The following ANKS1B variants were observed in gnomAD, a reference collection of about 807,000 sequenced individuals.
ANKS1B encodes the protein ankyrin repeat and sterile alpha motif domain-containing protein 1B.
A neutral mutation model predicts 148.3 loss-of-function variants in ANKS1B; 36 were observed. That is an observed-to-expected ratio of 0.24 (90% CI 0.19 to 0.32). The LOEUF is 0.32. Ranked by LOEUF, ANKS1B falls within the 10% of genes least tolerant of loss-of-function variation. The pLI is 1.00. For missense variants in ANKS1B, 1,157 were observed against 1,542.6 expected (o/e 0.75, Z 4.19); for synonymous variants, 542 against 560.8 (o/e 0.97, Z 0.47).
chr12:98,938,055 C>G (rs1009116939), intron 17 of ANKS1B, among the ~76,000 whole-genome samples: 1 of 152,086 alleles, frequency 6.6e-6, no homozygotes, highest in African/African-American at 2.4e-5. Context: ...GATTACAATT[C>G]GAGATGATAT....
At chr12:99,871,454 G>T (rs573451667) in intron 1 of ANKS1B, among the ~76,000 whole-genome samples, 2 of 152,064 alleles carry the variant, frequency 1.3e-5, no homozygotes, top group South Asian at 4.1e-4. Flanking sequence ...GAAAAATGAC[G>T]TTGGTAGTTT....
chr12:99,048,212 G>A (rs1180828994), intron 17 of ANKS1B, among the ~76,000 whole-genome samples: 1 of 152,154 alleles, frequency 6.6e-6, no homozygotes, highest in Non-Finnish European at 1.5e-5. Context: ...TCACGAGAAG[G>A]GTGAATGAAC....
At chr12:99,568,665 A>T (rs1225776355) in intron 9 of ANKS1B, among the ~76,000 whole-genome samples, 2 of 152,234 alleles carry the variant, frequency 1.3e-5, no homozygotes, top group African/African-American at 4.8e-5. Flanking sequence ...CAGAGGTGTT[A>T]GATTGAACAA....
intron 17 of ANKS1B, among the ~76,000 whole-genome samples, chr12:99,016,868 T>G (rs539051051): frequency 1.3e-5 from 2 of 152,334 alleles, no homozygotes; most frequent in South Asian, 4.1e-4. Flanking sequence ...TTGCTGGAAC[T>G]GGGCCTGCCC....
intron 11 of ANKS1B, among the ~76,000 whole-genome samples, chr12:99,428,575 T>C (rs548762093): frequency 6.6e-6 from 1 of 152,292 alleles, no homozygotes; most frequent in Admixed American, 6.5e-5. Flanking sequence ...TTTCAATATA[T>C]GTTGAGATGG....
At chr12:99,372,471 G>A (rs1296258558) in intron 12 of ANKS1B, among the ~76,000 whole-genome samples, 1 of 152,006 alleles carries the variant, frequency 6.6e-6, no homozygotes, top group African/African-American at 2.4e-5. Context: ...TGTGATTTCA[G>A]GGAAGAATAA....
intron 1 of ANKS1B, among the ~76,000 whole-genome samples, chr12:99,849,711 C>T (rs1020940424): frequency 6.6e-6 from 1 of 152,042 alleles, no homozygotes; most frequent in Non-Finnish European, 1.5e-5. Context: ...GTCTTACAAA[C>T]ATAAAATTGA....
intron 19 of ANKS1B, among the ~76,000 whole-genome samples, chr12:98,820,107 A>G (rs2099171124): frequency 6.6e-6 from 1 of 152,192 alleles, no homozygotes; most frequent in Non-Finnish European, 1.5e-5. Context: ...AACTCAAAAC[A>G]TTGCATTGGA....
intron 10 of ANKS1B, among the ~76,000 whole-genome samples, chr12:99,478,561 T>G (rs1015032487): frequency 1.3e-5 from 2 of 152,200 alleles, no homozygotes; most frequent in African/African-American, 4.8e-5. Context: ...CAGAAAGTTT[T>G]AAAGCCATAT....
At chr12:98,741,513 T>C (rs1162835604), downstream of ANKS1B, among the ~76,000 whole-genome samples, 2 of 152,208 alleles carry the variant, frequency 1.3e-5, no homozygotes, top group Non-Finnish European at 2.9e-5. Flanking sequence ...ACCCAGGGTC[T>C]TCCTTTCTGC....
intron 17 of ANKS1B, among the ~76,000 whole-genome samples, chr12:98,871,268 T>TTC (rs1468992008): frequency 2.0e-5 from 3 of 152,328 alleles, no homozygotes; most frequent in African/African-American, 7.2e-5. Flanking sequence ...ATCCATAATT[T>TTC]TCTCTCTTCC....
chr12:99,610,268 G>A (rs564415217), intron 9 of ANKS1B, among the ~76,000 whole-genome samples: 41 of 152,172 alleles, frequency 2.7e-4, no homozygotes, highest in African/African-American at 8.9e-4. Context: ...GGGCAAAAAG[G>A]ATATGACCTA....
intron 11 of ANKS1B, among the ~76,000 whole-genome samples, chr12:99,436,141 T>A (rs938125599): frequency 6.6e-6 from 1 of 152,070 alleles, no homozygotes; most frequent in Non-Finnish European, 1.5e-5. Context: ...CTGCCATCTA[T>A]GTTTCTGTTC....
chr12:99,442,901 A>C (rs2095573430), intron 11 of ANKS1B, among the ~76,000 whole-genome samples: 1 of 151,970 alleles, frequency 6.6e-6, no homozygotes. Context: ...CTTGGATTTT[A>C]TGAGGCCCAT....
chr12:98,756,556 CAAAAAAAAA>C (rs536086383), intron 25 of ANKS1B, among the ~76,000 whole-genome samples: 2 of 104,562 alleles, frequency 1.9e-5, no homozygotes, highest in South Asian at 3.2e-4. Context: ...ACTAAAAATA[CAAAAAAAAA>C]AAAAAAAAAA....
intron 15 of ANKS1B, among the ~76,000 whole-genome samples, chr12:99,108,549 A>C (rs1013956689): frequency 2.0e-5 from 3 of 152,226 alleles, no homozygotes; most frequent in East Asian, 3.8e-4. Flanking sequence ...TATTAGTGAA[A>C]ATAATAGAGA....
intron 17 of ANKS1B, among the ~76,000 whole-genome samples, chr12:99,052,591 G>A (rs909664986): frequency 1.1e-4 from 16 of 149,082 alleles, no homozygotes; most frequent in Admixed American, 6.6e-4. Flanking sequence ...AGCCGGGCGC[G>A]GTGGCGGGCG....
chr12:98,735,134 A>G (rs1240169670), exon 10 of ANKS1B: 1 of 398,634 alleles, frequency 2.5e-6, no homozygotes, highest in African/African-American at 2.1e-5. Context: ...AGAGATACCT[A>G]GTATGATGGA....
intron 1 of ANKS1B, among the ~76,000 whole-genome samples, chr12:99,854,248 A>G (rs146011951): frequency 0.012 from 1,768 of 152,182 alleles, 18 homozygotes; most frequent in African/African-American, 0.028. Flanking sequence ...TCCTGACCTC[A>G]TGATCCACCC....
Sources: allele counts gnomAD v4.1 joint callset (sites outside exome capture counted in the v4.1 genomes callset), GRCh38; gene constraint gnomAD v4.1.1; transcripts MANE v1.5; gene names NCBI Gene and HGNC (gene_info 2026-07-23, HGNC 2026-07-21).